Variants in MAGI1 observed in about 807,000 individuals in gnomAD.
MAGI1 encodes the protein membrane associated guanylate kinase, WW and PDZ domain containing 1.
Under a neutral mutation model 139.9 loss-of-function variants are expected in MAGI1, and 58 were observed. The observed-to-expected ratio is 0.41, with a 90% CI of 0.34 to 0.52. MAGI1 has a LOEUF of 0.52. Ranked by LOEUF, MAGI1 falls within the 20% of genes least tolerant of loss-of-function variation. The pLI is 0.12. For missense variants in MAGI1, 1,874 were observed against 1,901.6 expected, an observed-to-expected ratio of 0.99 and a Z score of 0.27; for synonymous variants, 812 against 737.9, an observed-to-expected ratio of 1.10 and a Z score of -1.63.
At chr3:65,403,580 T>A (rs1472721159) in intron 12 of MAGI1, among the ~76,000 whole-genome samples, 1 of 152,174 alleles carries the variant, frequency 6.6e-6, no homozygotes, top group Non-Finnish European at 1.5e-5. Context: ...ACCTTCTTAG[T>A]TAATTGGAAT....
chr3:65,692,382 G>C (rs572064798), intron 1 of MAGI1, among the ~76,000 whole-genome samples: 2 of 152,270 alleles, frequency 1.3e-5, no homozygotes, highest in South Asian at 4.2e-4. Flanking sequence ...TGGGGACAGA[G>C]CCTCCCCTCA....
intron 1 of MAGI1, among the ~76,000 whole-genome samples, chr3:65,645,808 T>C (rs1322566069): frequency 6.6e-6 from 1 of 152,084 alleles, no homozygotes; most frequent in African/African-American, 2.4e-5. Context: ...ATTCTACATA[T>C]AGTTATTTTA....
chr3:65,809,292 A>T (rs1349828558), intron 1 of MAGI1, among the ~76,000 whole-genome samples: 1 of 152,128 alleles, frequency 6.6e-6, no homozygotes, highest in Admixed American at 6.5e-5. Context: ...GTAGAAGAAA[A>T]ATTTAAGACC....
chr3:65,386,551 C>G (rs1052495755), intron 14 of MAGI1, among the ~76,000 whole-genome samples: 1 of 152,198 alleles, frequency 6.6e-6, no homozygotes, highest in Non-Finnish European at 1.5e-5. Flanking sequence ...AAATTTCTCT[C>G]TTCTGTGTCC....
At chr3:65,529,000 T>G (rs2078512971) in intron 2 of MAGI1, among the ~76,000 whole-genome samples, 1 of 152,150 alleles carries the variant, frequency 6.6e-6, no homozygotes, top group Non-Finnish European at 1.5e-5. Flanking sequence ...GAGCTGAGAC[T>G]GCACCACTGC....
At chr3:65,569,131 A>T (rs925875059) in intron 2 of MAGI1, among the ~76,000 whole-genome samples, 9 of 152,232 alleles carry the variant, frequency 5.9e-5, no homozygotes, top group African/African-American at 2.2e-4. Flanking sequence ...CACATGCTAC[A>T]ACCTGGATGA....
At chr3:65,398,030 A>G (rs535099415) in intron 13 of MAGI1, among the ~76,000 whole-genome samples, 2 of 151,972 alleles carry the variant, frequency 1.3e-5, no homozygotes, top group South Asian at 2.1e-4. Context: ...TTTTTTTGCA[A>G]GGAGCAATCA....
chr3:65,785,192 T>C (rs569866078), intron 1 of MAGI1, among the ~76,000 whole-genome samples: 2 of 150,974 alleles, frequency 1.3e-5, no homozygotes, highest in Non-Finnish European at 3.0e-5. Context: ...ACTTACTAAG[T>C]AATTTTTATT....
intron 18 of MAGI1, among the ~76,000 whole-genome samples, chr3:65,373,881 G>C (rs1382969097): frequency 6.6e-6 from 1 of 152,160 alleles, no homozygotes; most frequent in Non-Finnish European, 1.5e-5. Flanking sequence ...TTTTGGTGCA[G>C]AGAAAGTTCT....
intron 1 of MAGI1, among the ~76,000 whole-genome samples, chr3:65,935,133 T>C (rs1423335444): frequency 6.6e-6 from 1 of 152,152 alleles, no homozygotes; most frequent in African/African-American, 2.4e-5. Flanking sequence ...GTAAATGACA[T>C]TGAAGCTAAA....
At chr3:65,668,886 T>C (rs1395015832) in intron 1 of MAGI1, among the ~76,000 whole-genome samples, 1 of 152,074 alleles carries the variant, frequency 6.6e-6, no homozygotes, top group South Asian at 2.1e-4. Context: ...CTGAAGGTCC[T>C]GGGAATTTAA....
At chr3:65,691,307 A>AAAAAAAAAAAAAAAAAAAAAAAAAAAG (rs1388046202) in intron 1 of MAGI1, among the ~76,000 whole-genome samples, 11 of 133,638 alleles carry the variant, frequency 8.2e-5, no homozygotes, top group Non-Finnish European at 1.0e-4. Flanking sequence ...CGTCTCAAAA[A>AAAAAAAAAAAAAAAAAAAAAAAAAAAG]AAAAAAAAGA....
intron 1 of MAGI1, among the ~76,000 whole-genome samples, chr3:65,746,782 G>A (rs73832941): frequency 0.021 from 3,160 of 152,156 alleles, 60 homozygotes; most frequent in Middle Eastern, 0.051. Flanking sequence ...ATATTACTTT[G>A]TACTGCTTCT....
chr3:65,634,182 G>A (rs1243407309), intron 1 of MAGI1, among the ~76,000 whole-genome samples: 1 of 152,142 alleles, frequency 6.6e-6, no homozygotes, highest in Non-Finnish European at 1.5e-5. Context: ...CAAATCCGGG[G>A]GAGTATGACT....
At chr3:65,759,011 T>G (rs1026909152) in intron 1 of MAGI1, among the ~76,000 whole-genome samples, 4 of 137,560 alleles carry the variant, frequency 2.9e-5, no homozygotes, top group Non-Finnish European at 6.0e-5. Context: ...ATATATGATC[T>G]CATACATATT....
chr3:65,988,589 T>A (rs2066004586), intron 1 of MAGI1, among the ~76,000 whole-genome samples: 1 of 151,578 alleles, frequency 6.6e-6, no homozygotes, highest in South Asian at 2.1e-4. Flanking sequence ...TGAAAGGGAG[T>A]CTAACCTCTA....
chr3:65,575,099 A>T (rs185744008), intron 2 of MAGI1, among the ~76,000 whole-genome samples: 1 of 152,202 alleles, frequency 6.6e-6, no homozygotes, highest in East Asian at 1.9e-4. Context: ...TCCCCAAAAG[A>T]CACTGTTAAG....
chr3:65,813,430 GA>G (rs550623413), intron 1 of MAGI1, among the ~76,000 whole-genome samples: 2 of 151,622 alleles, frequency 1.3e-5, no homozygotes, highest in Admixed American at 6.6e-5. Context: ...TGCGAATTAT[GA>G]AAAAAAATGA....
chr3:65,826,964 C>A (rs2042261749), intron 1 of MAGI1, among the ~76,000 whole-genome samples: 1 of 151,802 alleles, frequency 6.6e-6, no homozygotes, highest in Admixed American at 6.6e-5. Flanking sequence ...TATTACCTGA[C>A]CTGCTCTAAT....
Sources: gnomAD v4.1 joint callset for allele counts (sites outside exome capture counted in the v4.1 genomes callset) on GRCh38, gnomAD v4.1.1 for gene constraint, MANE v1.5 for transcripts, NCBI Gene and HGNC (gene_info 2026-07-23, HGNC 2026-07-21) for gene names.